Variants in ZFHX3 observed in about 807,000 individuals in gnomAD.
The protein encoded by ZFHX3 is zinc finger homeobox 3, also known as zinc finger homeobox protein 3.
A neutral mutation model predicts 279.1 loss-of-function variants in ZFHX3; 42 were observed. The ratio of observed to expected loss-of-function variants is 0.15; its 90% CI spans 0.12 to 0.19. ZFHX3 has a LOEUF of 0.19. Among genes scored for constraint, ZFHX3 ranks in the 10% least tolerant of loss-of-function variants. The pLI is 1.00. For missense variants in ZFHX3, 4,981 were observed against 4,754.0 expected, an observed-to-expected ratio of 1.05 and a Z score of -1.40; for synonymous variants, 2,293 against 1,957.8, an observed-to-expected ratio of 1.17 and a Z score of -4.52.
At chr16:73,587,047 C>T (rs2051934481) in intron 2 of ZFHX3, among the ~76,000 whole-genome samples, 1 of 152,118 alleles carries the variant, frequency 6.6e-6, no homozygotes, top group Non-Finnish European at 1.5e-5. Context: ...CAGGCTGGAG[C>T]ATCAATTTTG....
At chr16:73,161,436 C>T (rs1028322189) in intron 5 of ZFHX3, among the ~76,000 whole-genome samples, 2 of 152,184 alleles carry the variant, frequency 1.3e-5, no homozygotes, top group African/African-American at 4.8e-5. Flanking sequence ...GCTCATTTAT[C>T]ATACTGTCTT....
intron 2 of ZFHX3, among the ~76,000 whole-genome samples, chr16:73,599,293 C>T (rs1475431176): frequency 6.6e-6 from 1 of 152,222 alleles, no homozygotes; most frequent in Non-Finnish European, 1.5e-5. Flanking sequence ...TTGGAAGTCT[C>T]TTCCATCAGT....
chr16:73,323,079 G>A (rs2015610751), intron 3 of ZFHX3, among the ~76,000 whole-genome samples: 1 of 152,218 alleles, frequency 6.6e-6, no homozygotes, highest in Non-Finnish European at 1.5e-5. Flanking sequence ...TTTACCAAAA[G>A]AGTTTGCCAA....
Position 73,711,890 on chromosome 16 carries a change from G to A in ZFHX3, c.-1607-31650C>T, listed in dbSNP as rs947759753. ...GATCTCACAGCAAATCTATAAAGGG[G>A]CCCTCCAGCCCCACCTACAGCCCTT... On this transcript the variant is annotated intron_variant, in intron 1 of 17. Coordinates refer to the ZFHX3 transcript ENST00000641206. 2.6e-5 allele frequency among the ~76,000 whole-genome samples: 4 copies of A among 152,062 alleles called. 1 individual carries two copies. The highest frequency in any genetic ancestry group is 2.0e-4 in the Admixed American group (3 of 15,268).
chr16:73,285,814 G>A (rs993810368), intron 4 of ZFHX3, among the ~76,000 whole-genome samples: 1 of 152,098 alleles, frequency 6.6e-6, no homozygotes, highest in African/African-American at 2.4e-5. Flanking sequence ...GTTTTTGGCT[G>A]TTGTTTTTCA....
intron 2 of ZFHX3, among the ~76,000 whole-genome samples, chr16:73,645,807 G>C (rs1458491520): frequency 6.6e-6 from 1 of 152,122 alleles, no homozygotes. Flanking sequence ...GACTTTTGGG[G>C]TCCTTCCAGG....
rs753168554 is a variant in ZFHX3 at position 72,787,488 on chromosome 16, G to T, written c.10788C>A (p.Ser3596Arg). 1 of 1,611,984 alleles carries T rather than the reference G, an allele frequency of 6.2e-7. No homozygotes were observed. The highest frequency in any genetic ancestry group is 8.5e-7 in the Non-Finnish European group (1 of 1,178,804). ...TSQSAAHSND[S>R]PPPPSAAAPS... Reference sequence around the variant, plus strand: ...GGGCGGCGGCCGACGGGGGAGGGGGGCTGTCGTTTGAGTGAGCGGCAGACT... The same window carrying T: ...GGGCGGCGGCCGACGGGGGAGGGGGTCTGTCGTTTGAGTGAGCGGCAGACT... The change falls in exon 10 of 10, where the codon AGC becomes AGA. Residue 3596 changes from serine (S) to arginine (R), a missense_variant. This residue lies in a region of ZFHX3 where 1,034 missense variants were observed against 786.0 expected (regional missense o/e 1.32). Transcript: ENST00000268489.
intron 5 of ZFHX3, among the ~76,000 whole-genome samples, chr16:73,244,481 G>A (rs1410561998): frequency 6.6e-6 from 1 of 152,176 alleles, no homozygotes; most frequent in African/African-American, 2.4e-5. Context: ...AGGGCTTTGG[G>A]AACAAGGCAA....
At chr16:73,814,201 A>G (rs1960501374) in intron 1 of ZFHX3, among the ~76,000 whole-genome samples, 1 of 152,206 alleles carries the variant, frequency 6.6e-6, no homozygotes, top group Non-Finnish European at 1.5e-5. Context: ...AAGTGCTGGT[A>G]AGGAGTTACT....
chr16:72,829,615 C>T, intron 5 of ZFHX3, 164 bp downstream of exon 5: 1 of 679,942 alleles, frequency 1.5e-6, no homozygotes, highest in East Asian at 2.7e-5. Flanking sequence ...GGTGACTGCT[C>T]AAAGAAGCAA....
chr16:73,221,559 G>C (rs2012421401), intron 5 of ZFHX3, among the ~76,000 whole-genome samples: 1 of 151,778 alleles, frequency 6.6e-6, no homozygotes, highest in Non-Finnish European at 1.5e-5. Flanking sequence ...CACCGCTAAA[G>C]AACTTACTCA....
chr16:72,941,871 A>G (rs1960427338), intron 3 of ZFHX3, among the ~76,000 whole-genome samples: 1 of 152,176 alleles, frequency 6.6e-6, no homozygotes. Context: ...CGGCTGCTGT[A>G]AGTGCTAAAA....
chr16:73,106,349 T>C (rs887678299), intron 7 of ZFHX3, among the ~76,000 whole-genome samples: 3 of 152,170 alleles, frequency 2.0e-5, no homozygotes, highest in Non-Finnish European at 4.4e-5. Context: ...TAAATGCCCA[T>C]GCTTTTTGCA....
chr16:73,784,786 TAAAA>T (rs66537411), intron 1 of ZFHX3, among the ~76,000 whole-genome samples: 6 of 133,814 alleles, frequency 4.5e-5, no homozygotes, highest in African/African-American at 1.2e-4. Flanking sequence ...TTTAACAAAA[TAAAA>T]AAAAAAATAT....
intron 5 of ZFHX3, among the ~76,000 whole-genome samples, chr16:73,212,876 C>T (rs2012069713): frequency 6.6e-6 from 1 of 152,202 alleles, no homozygotes; most frequent in South Asian, 2.1e-4. Context: ...CCTCAATTTC[C>T]TCATTTCTTA....
chr16:73,084,896 A>C (rs756238004), intron 8 of ZFHX3, among the ~76,000 whole-genome samples: 1 of 152,246 alleles, frequency 6.6e-6, no homozygotes, highest in Non-Finnish European at 1.5e-5. Context: ...GAAGGAAATT[A>C]AGGAGGACAC....
intron 3 of ZFHX3, among the ~76,000 whole-genome samples, chr16:72,900,635 GTGTTCCAGCTCAGTGGTTCTCTAACT>G (rs1262093870): frequency 6.6e-6 from 1 of 152,178 alleles, no homozygotes; most frequent in East Asian, 1.9e-4. Context: ...GATGCCACTG[GTGTTCCAGCTCAGTGGTTCTCTAACT>G]TGAGCGTGCA....
intron 1 of ZFHX3, among the ~76,000 whole-genome samples, chr16:72,976,310 G>A (rs1962343411): frequency 6.6e-6 from 1 of 152,156 alleles, no homozygotes; most frequent in African/African-American, 2.4e-5. Context: ...GTTAAGCCAT[G>A]GTAAGATTCG....
At chr16:73,353,004 A>G (rs2016275638) in intron 3 of ZFHX3, among the ~76,000 whole-genome samples, 1 of 152,200 alleles carries the variant, frequency 6.6e-6, no homozygotes, top group South Asian at 2.1e-4. Flanking sequence ...GATGTGGAGC[A>G]GGACACGAAG....
Sources: gnomAD v4.1 joint callset for allele counts (sites outside exome capture counted in the v4.1 genomes callset) on GRCh38, gnomAD v4.1.1 for gene constraint, gnomAD v4.1.1 regional missense constraint, MANE v1.5 for transcripts, NCBI Gene and HGNC (gene_info 2026-07-23, HGNC 2026-07-21) for gene names.